MYZAP: variants seen among roughly 807,000 people sequenced by gnomAD.
The protein encoded by MYZAP is myocardial zonula adherens protein, also known as GRINL1A complex locus upstream.
A neutral mutation model predicts 69.4 loss-of-function variants in MYZAP; 66 were observed. That is an observed-to-expected ratio of 0.95 (90% CI 0.78 to 1.17). The LOEUF is 1.17. Among genes scored for constraint, MYZAP ranks in the 50% most tolerant of loss-of-function variants. MYZAP has a pLI of 0.00. For synonymous variants in MYZAP, 256 were observed against 205.9 expected (o/e 1.24, Z -2.09); for missense variants, 611 against 556.2 (o/e 1.10, Z -0.99).
At chr15:57,673,463 C>CGTGTGTGTGTGT (rs3051249) in intron 11 of MYZAP, among the ~76,000 whole-genome samples, 58 of 102,664 alleles carry the variant, frequency 5.6e-4, no homozygotes, top group Admixed American at 1.2e-3. Context: ...TGCGTGCATG[C>CGTGTGTGTGTGT]GTGTGTGTGT....
chr15:57,629,088 C>CAAAAAAAAAAAAAAAAAAA (rs1274144448), intron 5 of MYZAP, among the ~76,000 whole-genome samples: 1 of 115,082 alleles, frequency 8.7e-6, no homozygotes. Context: ...GTCTCAAAAA[C>CAAAAAAAAAAAAAAAAAAA]AAAAAAAAAA....
At chr15:57,595,040 C>T (rs2033963992) in intron 1 of MYZAP, among the ~76,000 whole-genome samples, 1 of 152,150 alleles carries the variant, frequency 6.6e-6, no homozygotes, top group Non-Finnish European at 1.5e-5. Context: ...TCAAGCCAAC[C>T]AGAAGTGGTG....
At chr15:57,672,467 A>G (rs1454692909) in intron 11 of MYZAP, among the ~76,000 whole-genome samples, 1 of 152,208 alleles carries the variant, frequency 6.6e-6, no homozygotes, top group African/African-American at 2.4e-5. Flanking sequence ...TCTGTTATTC[A>G]GAATGTACAG....
chr15:57,651,812 G>A (rs1262026203), intron 10 of MYZAP, among the ~76,000 whole-genome samples: 2 of 152,184 alleles, frequency 1.3e-5, no homozygotes, highest in African/African-American at 4.8e-5. Context: ...AATGTGCTCA[G>A]ATTGGGAAGC....
Position 57,679,376 on chromosome 15 carries a change from T to TGTGTGTGTGTG in MYZAP, c.1304+4308_1304+4309insGTGTGTGTGTG, listed in dbSNP as rs57864057. On this transcript the variant is annotated intron_variant, in intron 12 of 12. Transcript: ENST00000267853. ...TGTGTGTGTGTGTGTGTGTGTGTGT[T>TGTGTGTGTGTG]TCTCTCTCTCTCTCTCTCTGTCTCC... Among the ~76,000 whole-genome samples the TGTGTGTGTGTG allele has an allele frequency of 4.0e-4, 54 of 135,858 alleles. 1 individual carries two copies. The highest frequency in any genetic ancestry group is 2.6e-3 in the South Asian group (11 of 4,294). The allele number at this position is 135,858 out of a possible 152,430, so 89.1% of individuals were successfully genotyped here. A position where few individuals can be genotyped will look rare whatever the true frequency, so the allele number is the denominator to read the frequency against.
Position 57,591,988 on chromosome 15 carries a change from C to T in MYZAP, c.-47C>T, listed in dbSNP as rs1482622014. 5 of 1,403,996 alleles carry T rather than the reference C, an allele frequency of 3.6e-6. No individual in the cohort carries two copies. Among genetic ancestry groups the T allele is most frequent in the Non-Finnish European group, 4.6e-6 (5 of 1,081,858 alleles). The allele number at this position is 1,403,996 out of a possible 1,614,324, so 87.0% of individuals were successfully genotyped here. A position where few individuals can be genotyped will look rare whatever the true frequency, so the allele number is the denominator to read the frequency against. ...GGCGGGCCCCGCACGCTTATTCTGC[C>T]CGGGAGGAACGCCGGCGTCCAGCCC... On this transcript the variant is annotated 5_prime_UTR_variant, in exon 1 of 13. Coordinates refer to ENST00000267853, the MANE Select transcript of MYZAP (RefSeq NM_001018100.5).
chr15:57,617,991 A>G, intron 2 of MYZAP, 42 bp from the exon 3 acceptor site: 1 of 1,596,220 alleles, frequency 6.3e-7, no homozygotes, highest in Non-Finnish European at 8.5e-7. Flanking sequence ...CATGAGGCCT[A>G]AAGAGTCATT....
chr15:57,639,661 G>T, intron 10 of MYZAP, 116 bp downstream of exon 10: 1 of 1,158,492 alleles, frequency 8.6e-7, no homozygotes, highest in South Asian at 1.5e-5. Flanking sequence ...GAGGTGCTCA[G>T]GCCACTGCCA....
chr15:57,618,308 C>G (rs1361637558), intron 3 of MYZAP, 120 bp downstream of exon 3: 1 of 1,431,952 alleles, frequency 7.0e-7, no homozygotes. Flanking sequence ...TTAGTGTTAT[C>G]ATTTTGGCTG....
intron 10 of MYZAP, among the ~76,000 whole-genome samples, chr15:57,657,372 A>G (rs1002849168): frequency 6.6e-6 from 1 of 152,158 alleles, no homozygotes; most frequent in Non-Finnish European, 1.5e-5. Flanking sequence ...AATTTTTGGG[A>G]ACTATTTCTA....
At chr15:57,646,845 A>G in intron 10 of MYZAP, 8 of 985,468 alleles carry the variant, frequency 8.1e-6, no homozygotes, top group Non-Finnish European at 9.6e-6. Context: ...AGTGTATCTG[A>G]TAAAGAGAAA....
At chr15:57,661,809 A>C (rs1442771454) in intron 11 of MYZAP, among the ~76,000 whole-genome samples, 1 of 152,186 alleles carries the variant, frequency 6.6e-6, no homozygotes, top group Non-Finnish European at 1.5e-5. Context: ...GTTGATTAGC[A>C]CTGATAATTC....
At chr15:57,671,814 T>A (rs1462893868) in intron 11 of MYZAP, among the ~76,000 whole-genome samples, 1 of 152,236 alleles carries the variant, frequency 6.6e-6, no homozygotes, top group African/African-American at 2.4e-5. Context: ...ATTGTTATGA[T>A]GGCTGCATTA....
At chr15:57,647,039 G>A in intron 10 of MYZAP, 1 of 985,432 alleles carries the variant, frequency 1.0e-6, no homozygotes, top group Non-Finnish European at 1.2e-6. Flanking sequence ...GCTGGGAGAT[G>A]GGGCTCGTGG....
intron 12 of MYZAP, among the ~76,000 whole-genome samples, chr15:57,677,460 G>A (rs1437957017): frequency 1.3e-5 from 2 of 152,170 alleles, no homozygotes; most frequent in African/African-American, 4.8e-5. Context: ...TTGAGTCTTG[G>A]TGCAGTACAT....
intron 11 of MYZAP, among the ~76,000 whole-genome samples, chr15:57,668,237 G>T (rs191350902): frequency 3.9e-5 from 6 of 152,312 alleles, no homozygotes; most frequent in Admixed American, 1.3e-4. Flanking sequence ...GAATAAAGCT[G>T]CAGTGAGCAT....
chr15:57,604,734 C>T (rs962397769), intron 2 of MYZAP, among the ~76,000 whole-genome samples: 1 of 152,218 alleles, frequency 6.6e-6, no homozygotes. Flanking sequence ...TTCTCAGCAG[C>T]TTGGAGCAGC....
intron 9 of MYZAP, 63 bp from the exon 10 acceptor site, chr15:57,639,377 G>T: frequency 6.5e-7 from 1 of 1,545,398 alleles, no homozygotes; most frequent in South Asian, 1.1e-5. Flanking sequence ...AGCTGTGACT[G>T]TTGCTACTGC....
At chr15:57,643,226 G>A (rs1010954080) in intron 10 of MYZAP, among the ~76,000 whole-genome samples, 1 of 152,202 alleles carries the variant, frequency 6.6e-6, no homozygotes, top group African/African-American at 2.4e-5. Flanking sequence ...CATCCATTCA[G>A]CAGATACCCA....
Sources: gnomAD v4.1 joint callset for allele counts (sites outside exome capture counted in the v4.1 genomes callset) on GRCh38, gnomAD v4.1.1 for gene constraint, MANE v1.5 for transcripts, NCBI Gene and HGNC (gene_info 2026-07-23, HGNC 2026-07-21) for gene names.